Variants in PCLO observed in about 807,000 individuals in gnomAD.
The protein encoded by PCLO is piccolo presynaptic cytomatrix protein.
PCLO carries 82 observed loss-of-function variants against 427.5 expected under a neutral mutation model. The observed-to-expected ratio is 0.19, with a 90% CI of 0.16 to 0.23. The LOEUF (loss-of-function observed/expected upper bound fraction) is 0.23. Among genes scored for constraint, PCLO ranks in the 10% least tolerant of loss-of-function variants. The pLI is 1.00. For synonymous variants in PCLO, 2,357 were observed against 2,155.4 expected (o/e 1.09, Z -2.59); for missense variants, 6,239 against 6,115.9 (o/e 1.02, Z -0.67).
In PCLO at chr7:82,956,121, AGTC is replaced by A. The variant is rs767088006; in HGVS notation, c.4829_4831del (p.Arg1610del). On this transcript the variant is annotated inframe_deletion, in exon 5 of 25. Coordinates refer to ENST00000333891, the MANE Select transcript of PCLO (RefSeq NM_033026.6). ...AATGCTTGTGCTACTTTTTCGAGTC[AGTC>A]GTCTGTGTTTCCCTGCTGTTATTTT... The A allele has an allele frequency of 2.5e-6, 4 of 1,609,540 alleles. No homozygotes were observed. The South Asian group carries it at 4.4e-5, about 18-fold the overall frequency.
chr7:82,855,704 C>G (rs1354765938), intron 10 of PCLO, among the ~76,000 whole-genome samples: 1 of 152,038 alleles, frequency 6.6e-6, no homozygotes, highest in Non-Finnish European at 1.5e-5. Context: ...TATCCCTTTT[C>G]CCCATCTCAC....
At chr7:83,021,792 A>T (rs960026290) in intron 3 of PCLO, among the ~76,000 whole-genome samples, 2 of 152,160 alleles carry the variant, frequency 1.3e-5, no homozygotes, top group Non-Finnish European at 2.9e-5. Flanking sequence ...CCTGAGTTCA[A>T]TACGGAAGCT....
chr7:82,950,839 T>C lies in PCLO; in HGVS notation c.9749A>G (p.Lys3250Arg). 2 of 1,613,734 alleles carry C rather than the reference T, an allele frequency of 1.2e-6. No homozygotes were observed. Among genetic ancestry groups the C allele is most frequent in the Non-Finnish European group, 1.7e-6 (2 of 1,179,870 alleles). Residue 3250 changes from lysine to arginine, a missense_variant, in exon 6 of 25, where the codon AAG (lysine) becomes AGG (arginine). Physicochemically the swap from Lys to Arg is conservative, Grantham distance 26. This residue lies in a region of PCLO where 4,677 missense variants were observed against 4,468.4 expected (regional missense o/e 1.05). Transcript: ENST00000333891. Reference sequence around the variant, plus strand: ...CTCCAACTTTTTCTGAACCATGATCTTTTCTTGTTCTCGGAACCTTTGAAT... The same window carrying C: ...CTCCAACTTTTTCTGAACCATGATCCTTTCTTGTTCTCGGAACCTTTGAAT... ...QEIQRFREQE[K>R]IMVQKKLEEL... is the part of the protein sequence containing the mutation.
In PCLO at chr7:82,833,361, C is replaced by G. The variant is rs1792144899; in HGVS notation, c.14249+2306G>C. Among the ~76,000 whole-genome samples the G allele has an allele frequency of 2.6e-5, 4 of 152,082 alleles. No homozygotes were observed. In the South Asian group the frequency reaches 8.3e-4, roughly 31 times the overall value. On this transcript the variant is annotated intron_variant, in intron 16 of 24. Transcript: ENST00000333891. ...GATGAGAGAAAACCAGAGCGAGGCC[C>G]TTCATATATGCTCATTTCCATTTCT...
At chr7:82,998,852 G>C (rs1787701471) in intron 3 of PCLO, among the ~76,000 whole-genome samples, 1 of 151,636 alleles carries the variant, frequency 6.6e-6, no homozygotes, top group Admixed American at 6.6e-5. Flanking sequence ...ACAAGAACCA[G>C]GCATGGCAGA....
intron 3 of PCLO, among the ~76,000 whole-genome samples, chr7:83,020,904 T>C (rs180816776): frequency 2.6e-5 from 4 of 152,292 alleles, no homozygotes; most frequent in East Asian, 1.9e-4. Context: ...TTGTCACCTA[T>C]TGTCTCAGAA....
intron 22 of PCLO, among the ~76,000 whole-genome samples, chr7:82,763,761 A>C (rs897162675): frequency 7.2e-5 from 11 of 152,090 alleles, no homozygotes; most frequent in African/African-American, 2.4e-4. Context: ...ACTAAAATAC[A>C]AATCTTCCAG....
At chr7:83,040,952 A>T (rs923727538) in intron 3 of PCLO, among the ~76,000 whole-genome samples, 1 of 152,218 alleles carries the variant, frequency 6.6e-6, no homozygotes, top group African/African-American at 2.4e-5. Flanking sequence ...AAAAAATTTT[A>T]AAAGGATAAT....
intron 7 of PCLO, among the ~76,000 whole-genome samples, chr7:82,913,680 T>C (rs1794377607): frequency 6.6e-6 from 1 of 152,102 alleles, no homozygotes; most frequent in South Asian, 2.1e-4. Context: ...CAAAAATGTT[T>C]ATGGTTGTAT....
At chr7:83,018,045 T>A (rs1197595775) in intron 3 of PCLO, 1 of 152,008 alleles carries the variant, frequency 6.6e-6, no homozygotes, top group Non-Finnish European at 1.5e-5. Flanking sequence ...TGGGAAGTTG[T>A]ACTAATAAAT....
rs117410274 is a variant in PCLO at position 82,855,614 on chromosome 7, C to A, written c.13655-8367G>T. On this transcript the variant is annotated intron_variant, in intron 10 of 24. Coordinates refer to ENST00000333891, the MANE Select transcript of PCLO (RefSeq NM_033026.6). Reference sequence around the variant, plus strand: ...TGCAAAAACTGAAGACATTATTGAACGAAGAGAAAGTTGCTGTGGGATATA... The same window carrying A: ...TGCAAAAACTGAAGACATTATTGAAAGAAGAGAAAGTTGCTGTGGGATATA... 1.9e-3 allele frequency among the ~76,000 whole-genome samples: 288 copies of A among 152,084 alleles called. 5 individuals carry two copies. In the East Asian group the frequency reaches 0.05, roughly 26 times the overall value.
chr7:82,828,002 T>G, intron 16 of PCLO, 36 bp from the exon 17 acceptor site: 1 of 1,182,954 alleles, frequency 8.5e-7, no homozygotes, highest in Non-Finnish European at 1.3e-6. Flanking sequence ...ATCTTGATTA[T>G]TCACCTTAGT....
At chr7:82,848,673 T>C (rs755091366) in intron 10 of PCLO, among the ~76,000 whole-genome samples, 3 of 152,120 alleles carry the variant, frequency 2.0e-5, no homozygotes, top group Admixed American at 6.6e-5. Context: ...TTGATCATCA[T>C]TGGCTCCAAT....
intron 2 of PCLO, among the ~76,000 whole-genome samples, chr7:83,149,338 T>C (rs1018548621): frequency 1.3e-5 from 2 of 152,198 alleles, no homozygotes; most frequent in African/African-American, 4.8e-5. Flanking sequence ...TTCTCAGCTC[T>C]TTTTCCTTTC....
At chr7:82,901,527 T>C (rs1794038943) in intron 9 of PCLO, among the ~76,000 whole-genome samples, 2 of 152,098 alleles carry the variant, frequency 1.3e-5, no homozygotes, top group Admixed American at 6.6e-5. Context: ...AAGGACTTCA[T>C]GTCTAAAACA....
In PCLO at chr7:82,888,929, C is replaced by T. The variant is rs371947563; in HGVS notation, c.13529-9467G>A. On this transcript the variant is annotated intron_variant, in intron 9 of 24. Coordinates refer to ENST00000333891, the MANE Select transcript of PCLO (RefSeq NM_033026.6). ...AATTTTCTGGTAAAATCAGGAGGGT[C>T]GAACCACAAGTTCCCCCCGCCCCCT... Among the ~76,000 whole-genome samples, 6 of 152,106 alleles carry T rather than the reference C, an allele frequency of 3.9e-5. No homozygotes were observed. In the East Asian group the frequency reaches 5.8e-4, roughly 15 times the overall value.
intron 3 of PCLO, among the ~76,000 whole-genome samples, chr7:83,000,982 G>A (rs1329278034): frequency 6.6e-6 from 1 of 151,800 alleles, no homozygotes; most frequent in African/African-American, 2.4e-5. Flanking sequence ...TTTTCATGAA[G>A]CCAAACATTT....
intron 3 of PCLO, among the ~76,000 whole-genome samples, chr7:83,036,625 C>T (rs1788803364): frequency 6.6e-6 from 1 of 152,040 alleles, no homozygotes; most frequent in Non-Finnish European, 1.5e-5. Context: ...AGTATAGCAA[C>T]TGATTCTCCC....
chr7:82,840,446 C>A (rs1792339534), intron 14 of PCLO, among the ~76,000 whole-genome samples: 1 of 152,054 alleles, frequency 6.6e-6, no homozygotes, highest in Admixed American at 6.6e-5. Context: ...TTTTATTACA[C>A]ATTCTTTTCA....
Sources: allele counts gnomAD v4.1 joint callset (sites outside exome capture counted in the v4.1 genomes callset), GRCh38; gene constraint gnomAD v4.1.1; regional missense constraint gnomAD v4.1.1; transcripts MANE v1.5; gene names NCBI Gene and HGNC (gene_info 2026-07-23, HGNC 2026-07-21).